Variants in ZNF385D observed in about 807,000 individuals in gnomAD.
The protein encoded by ZNF385D is zinc finger protein 385D.
ZNF385D carries 15 observed loss-of-function variants against 35.8 expected under a neutral mutation model. The ratio of observed to expected loss-of-function variants is 0.42; its 90% CI spans 0.28 to 0.64. The LOEUF (loss-of-function observed/expected upper bound fraction) is 0.64. Among genes scored for constraint, ZNF385D ranks in the 30% least tolerant of loss-of-function variants. The pLI is 0.23. For synonymous variants in ZNF385D, 212 were observed against 186.8 expected (o/e 1.13, Z -1.10); for missense variants, 474 against 494.6 (o/e 0.96, Z 0.39).
At chr3:21,859,049 G>T (rs973812546) in intron 3 of ZNF385D, among the ~76,000 whole-genome samples, 3 of 151,792 alleles carry the variant, frequency 2.0e-5, no homozygotes, top group Non-Finnish European at 4.4e-5. Context: ...AAGTAGGCGG[G>T]GAGAGAAAAG....
intron 2 of ZNF385D, among the ~76,000 whole-genome samples, chr3:21,569,838 C>A (rs2063273923): frequency 7.3e-6 from 1 of 136,112 alleles, no homozygotes; most frequent in Non-Finnish European, 1.5e-5. Flanking sequence ...TGTTCTCACT[C>A]ATAGATGGGA....
chr3:21,445,782 C>G (rs907963009), intron 4 of ZNF385D, among the ~76,000 whole-genome samples: 7 of 152,136 alleles, frequency 4.6e-5, no homozygotes, highest in African/African-American at 1.7e-4. Context: ...GGAGTTATAT[C>G]CCTGTCAGGT....
chr3:21,426,762 G>T (rs1701045138), intron 5 of ZNF385D, among the ~76,000 whole-genome samples: 1 of 152,002 alleles, frequency 6.6e-6, no homozygotes, highest in African/African-American at 2.4e-5. Context: ...ATGTTAATGA[G>T]GAAAATATAT....
At position 22,320,826 on chromosome 3, in the gene ZNF385D, TAA is replaced by T. The variant is rs576817541; in HGVS notation, c.106+51622_106+51623del. Among the ~76,000 whole-genome samples, 93 of 152,084 alleles carry T rather than the reference TAA, an allele frequency of 6.1e-4. 1 individual carries two copies. Among genetic ancestry groups the T allele is most frequent in the South Asian group, 3.5e-3 (17 of 4,816 alleles). ...AAATCAAAGTAATTTTTTGATTTTA[TAA>T]GTGTTCAACATTTAATATTTCATTA... On this transcript the variant is annotated intron_variant, in intron 2 of 5. Coordinates refer to the ZNF385D transcript ENST00000494108.
intron 2 of ZNF385D, among the ~76,000 whole-genome samples, chr3:21,589,003 A>G (rs1274446827): frequency 6.6e-6 from 1 of 152,224 alleles, no homozygotes; most frequent in Admixed American, 6.5e-5. Context: ...AAAACCAACA[A>G]AAATCATTTT....
At chr3:21,583,946 T>TTTTATTTATTTA (rs1362454558) in intron 2 of ZNF385D, among the ~76,000 whole-genome samples, 19 of 137,230 alleles carry the variant, frequency 1.4e-4, no homozygotes, top group Admixed American at 4.3e-4. Context: ...CATGTATTTA[T>TTTTATTTATTTA]TTTACTTATT....
At chr3:21,727,093 T>C (rs1470826429) in intron 1 of ZNF385D, among the ~76,000 whole-genome samples, 2 of 152,252 alleles carry the variant, frequency 1.3e-5, no homozygotes, top group South Asian at 4.1e-4. Flanking sequence ...ATTTAATAAG[T>C]GGTGGTGGGA....
At chr3:22,079,447 G>C (rs1383082) in intron 3 of ZNF385D, among the ~76,000 whole-genome samples, 1 of 151,754 alleles carries the variant, frequency 6.6e-6, no homozygotes, top group Non-Finnish European at 1.5e-5. Context: ...ATTCTAAATG[G>C]AGGGGTTCAA....
At chr3:21,459,904 T>C (rs576481394) in intron 4 of ZNF385D, among the ~76,000 whole-genome samples, 2 of 151,420 alleles carry the variant, frequency 1.3e-5, no homozygotes, top group South Asian at 2.1e-4. Flanking sequence ...TCTGGGAATA[T>C]GAAATTCTGT....
intron 2 of ZNF385D, among the ~76,000 whole-genome samples, chr3:21,654,243 A>C (rs1294358410): frequency 1.3e-5 from 2 of 152,208 alleles, no homozygotes; most frequent in East Asian, 3.9e-4. Flanking sequence ...TATTCAGGGA[A>C]AGACGTTCAA....
chr3:21,629,274 T>C (rs34048601), intron 2 of ZNF385D, among the ~76,000 whole-genome samples: 18,591 of 152,026 alleles, frequency 0.12, 1,322 homozygotes, highest in Middle Eastern at 0.18. Flanking sequence ...ATGAGGCCTC[T>C]TCTGGCCACA....
At chr3:22,115,749 T>C (rs942925149) in intron 3 of ZNF385D, among the ~76,000 whole-genome samples, 2 of 152,106 alleles carry the variant, frequency 1.3e-5, no homozygotes, top group Non-Finnish European at 2.9e-5. Flanking sequence ...AAGAAAAATA[T>C]GTACAGCTTT....
At position 21,464,197 on chromosome 3, in the gene ZNF385D, A is replaced by G. The variant is rs1006655112; in HGVS notation, c.440-26994T>C. On this transcript the variant is annotated intron_variant, in intron 4 of 7. Transcript: ENST00000281523. ...TAGGCTTTTGAGAAAGTAATTGCAG[A>G]TTTCATCATAATTTTATAATCGCTG... 5.3e-5 allele frequency among the ~76,000 whole-genome samples: 8 copies of G among 152,314 alleles called. No homozygotes were observed. In the East Asian group the frequency reaches 1.2e-3, roughly 22 times the overall value.
At chr3:21,614,380 A>G (rs1161912080) in intron 2 of ZNF385D, among the ~76,000 whole-genome samples, 2 of 152,184 alleles carry the variant, frequency 1.3e-5, no homozygotes, top group Non-Finnish European at 1.5e-5. Flanking sequence ...TAAGGAGCTC[A>G]TTTCAATTTA....
At chr3:21,574,782 T>A (rs376934642) in intron 2 of ZNF385D, among the ~76,000 whole-genome samples, 4 of 152,110 alleles carry the variant, frequency 2.6e-5, no homozygotes, top group Admixed American at 2.6e-4. Flanking sequence ...TCTATCCTTA[T>A]ACATGTTCAG....
At chr3:21,711,815 C>T (rs553902494) in intron 1 of ZNF385D, among the ~76,000 whole-genome samples, 13 of 152,304 alleles carry the variant, frequency 8.5e-5, no homozygotes, top group Admixed American at 2.0e-4. Flanking sequence ...GTGAGCTGGA[C>T]TGAGGTAGGA....
chr3:21,829,347 G>A (rs1018205471), intron 3 of ZNF385D, among the ~76,000 whole-genome samples: 1 of 152,108 alleles, frequency 6.6e-6, no homozygotes. Context: ...GAGGCAAAGA[G>A]CTTTCTCAGG....
intron 3 of ZNF385D, among the ~76,000 whole-genome samples, chr3:22,086,968 GAATTACCT>G (rs894009613): frequency 7.9e-5 from 12 of 152,030 alleles, no homozygotes; most frequent in African/African-American, 2.9e-4. Flanking sequence ...AGCATTAGGA[GAATTACCT>G]AATGTAAATG....
chr3:21,648,158 C>G (rs1483157040), intron 2 of ZNF385D, among the ~76,000 whole-genome samples: 1 of 152,094 alleles, frequency 6.6e-6, no homozygotes, highest in African/African-American at 2.4e-5. Context: ...GGGAGAGACC[C>G]AGTGGGAGTT....
Sources: allele counts gnomAD v4.1 joint callset (sites outside exome capture counted in the v4.1 genomes callset), GRCh38; gene constraint gnomAD v4.1.1; transcripts MANE v1.5; gene names NCBI Gene and HGNC (gene_info 2026-07-23, HGNC 2026-07-21).